Variants in PPP1R1C observed in about 807,000 individuals in gnomAD.
PPP1R1C encodes protein phosphatase 1 regulatory subunit 1C.
PPP1R1C carries 15 observed loss-of-function variants against 17.4 expected under a neutral mutation model. The ratio of observed to expected loss-of-function variants is 0.86; its 90% CI spans 0.58 to 1.33. PPP1R1C has a LOEUF of 1.33. Ranked by LOEUF, PPP1R1C falls within the 40% of genes most tolerant of loss-of-function variation. The pLI is 0.00. For missense variants in PPP1R1C, 143 were observed against 130.0 expected, an observed-to-expected ratio of 1.10 and a Z score of -0.48; for synonymous variants, 35 against 43.1, an observed-to-expected ratio of 0.81 and a Z score of 0.73.
At chr2:182,022,713 G>A (rs960937324) in intron 2 of PPP1R1C, among the ~76,000 whole-genome samples, 1 of 152,300 alleles carries the variant, frequency 6.6e-6, no homozygotes, top group East Asian at 1.9e-4. Flanking sequence ...CAGGATCTTA[G>A]TAGAAGCTTG....
chr2:182,008,080 C>CAAAT (rs1341313612), intron 2 of PPP1R1C, among the ~76,000 whole-genome samples: 61 of 25,740 alleles, frequency 2.4e-3, no homozygotes, highest in African/African-American at 4.2e-3. Context: ...AAAAAACAAA[C>CAAAT]AAATAAATAA....
At chr2:182,118,805 C>T (rs930003082), downstream of PPP1R1C, among the ~76,000 whole-genome samples, 2 of 151,096 alleles carry the variant, frequency 1.3e-5, no homozygotes, top group Non-Finnish European at 3.0e-5. Flanking sequence ...TGTCTTTCTC[C>T]CTCCCTCCTT....
intron 2 of PPP1R1C, among the ~76,000 whole-genome samples, chr2:182,011,032 T>C (rs967488812): frequency 1.3e-5 from 2 of 152,156 alleles, no homozygotes; most frequent in African/African-American, 4.8e-5. Flanking sequence ...GCTAGTATTT[T>C]GTTGAGAATT....
At chr2:182,042,772 G>A (rs968134568) in intron 2 of PPP1R1C, among the ~76,000 whole-genome samples, 7 of 152,172 alleles carry the variant, frequency 4.6e-5, no homozygotes, top group Non-Finnish European at 7.3e-5. Flanking sequence ...TTGAGAGGTG[G>A]CATCAAGTCA....
intron 4 of PPP1R1C, among the ~76,000 whole-genome samples, chr2:182,110,829 T>C (rs1265090471): frequency 2.6e-5 from 4 of 152,116 alleles, no homozygotes; most frequent in Non-Finnish European, 5.9e-5. Context: ...TAAAGTGAAA[T>C]TGCCTAAACA....
chr2:182,058,245 C>T (rs945367591), intron 2 of PPP1R1C, among the ~76,000 whole-genome samples: 1 of 152,006 alleles, frequency 6.6e-6, no homozygotes, highest in Non-Finnish European at 1.5e-5. Context: ...TTTTCATGAC[C>T]TTGACAGTTT....
intron 2 of PPP1R1C, among the ~76,000 whole-genome samples, chr2:182,020,047 G>A (rs1686371880): frequency 6.6e-6 from 1 of 152,220 alleles, no homozygotes; most frequent in Admixed American, 6.5e-5. Context: ...CTATTTGTCT[G>A]ACATTTAATA....
intron 4 of PPP1R1C, among the ~76,000 whole-genome samples, chr2:182,082,975 A>G (rs1169019590): frequency 6.6e-6 from 1 of 152,180 alleles, no homozygotes; most frequent in Non-Finnish European, 1.5e-5. Flanking sequence ...ATATTTGGGA[A>G]CACTGTTAGA....
intron 1 of PPP1R1C, among the ~76,000 whole-genome samples, chr2:181,955,844 C>A (rs906240138): frequency 6.6e-6 from 1 of 152,038 alleles, no homozygotes; most frequent in African/African-American, 2.4e-5. Flanking sequence ...TTGGTCTAGT[C>A]TTTTGTCTAT....
chr2:182,108,283 T>C (rs1689314702), intron 4 of PPP1R1C, among the ~76,000 whole-genome samples: 1 of 152,188 alleles, frequency 6.6e-6, no homozygotes, highest in South Asian at 2.1e-4. Flanking sequence ...TTCTTAGCTC[T>C]CTCTTGCAGA....
At chr2:182,043,672 T>G (rs1432871794) in intron 2 of PPP1R1C, among the ~76,000 whole-genome samples, 1 of 152,200 alleles carries the variant, frequency 6.6e-6, no homozygotes, top group Non-Finnish European at 1.5e-5. Context: ...TAGGTTACCA[T>G]GAGGTTTCCC....
intron 4 of PPP1R1C, among the ~76,000 whole-genome samples, chr2:182,069,192 G>A (rs921073771): frequency 8.6e-5 from 13 of 151,732 alleles, no homozygotes; most frequent in Non-Finnish European, 1.9e-4. Context: ...TGTAGGGTGG[G>A]GCATATTTAT....
intron 2 of PPP1R1C, among the ~76,000 whole-genome samples, chr2:181,980,835 C>T (rs1388307996): frequency 1.3e-5 from 2 of 152,088 alleles, no homozygotes; most frequent in African/African-American, 2.4e-5. Context: ...CTCATATACA[C>T]TCTACTGATT....
intron 1 of PPP1R1C, among the ~76,000 whole-genome samples, chr2:181,959,891 T>G (rs1304346696): frequency 6.6e-6 from 1 of 152,154 alleles, no homozygotes; most frequent in Non-Finnish European, 1.5e-5. Context: ...AATAATGTTT[T>G]TAACTTAGGT....
intron 2 of PPP1R1C, among the ~76,000 whole-genome samples, chr2:181,996,271 T>G (rs1574362022): frequency 6.6e-6 from 1 of 152,184 alleles, no homozygotes; most frequent in South Asian, 2.1e-4. Flanking sequence ...AGGAAGGACC[T>G]GTGAAAGCCA....
intron 2 of PPP1R1C, among the ~76,000 whole-genome samples, chr2:181,996,742 C>T (rs968420103): frequency 3.4e-4 from 51 of 152,032 alleles, no homozygotes; most frequent in African/African-American, 1.2e-3. Flanking sequence ...TCCATCATTA[C>T]GGAAAACAAT....
At chr2:181,975,316 T>TA (rs1323514371) in intron 2 of PPP1R1C, 3 of 151,904 alleles carry the variant, frequency 2.0e-5, no homozygotes, top group Non-Finnish European at 4.4e-5. Flanking sequence ...TCTTCCCTGA[T>TA]TGATAACTAT....
intron 4 of PPP1R1C, among the ~76,000 whole-genome samples, chr2:182,098,199 G>C (rs1559092220): frequency 6.6e-6 from 1 of 151,870 alleles, no homozygotes; most frequent in Non-Finnish European, 1.5e-5. Flanking sequence ...TAGAAGATTT[G>C]TATACCAGCA....
intron 2 of PPP1R1C, among the ~76,000 whole-genome samples, chr2:181,996,685 G>A (rs1685620985): frequency 6.6e-6 from 1 of 152,152 alleles, no homozygotes; most frequent in African/African-American, 2.4e-5. Context: ...TAAAAAGCTA[G>A]AGAATTTATA....
Sources: gnomAD v4.1 joint callset for allele counts (sites outside exome capture counted in the v4.1 genomes callset) on GRCh38, gnomAD v4.1.1 for gene constraint, MANE v1.5 for transcripts, NCBI Gene and HGNC (gene_info 2026-07-23, HGNC 2026-07-21) for gene names.